The following SMARCA2 variants were observed in gnomAD, a reference collection of about 807,000 sequenced individuals.
SMARCA2 encodes SWI/SNF related BAF chromatin remodeling complex subunit ATPase 2.
Under a neutral mutation model 199.8 loss-of-function variants are expected in SMARCA2, and 61 were observed. That is an observed-to-expected ratio of 0.31 (90% CI 0.25 to 0.38). SMARCA2 has a LOEUF of 0.38. Among genes scored for constraint, SMARCA2 ranks in the 10% least tolerant of loss-of-function variants. SMARCA2 has a pLI of 1.00. For synonymous variants in SMARCA2, 935 were observed against 732.0 expected (o/e 1.28, Z -4.48); for missense variants, 1,344 against 2,012.2 (o/e 0.67, Z 6.35).
intron 25 of SMARCA2, 142 bp downstream of exon 25, chr9:2,116,191 C>G (rs986990639): frequency 1.5e-6 from 1 of 658,780 alleles, no homozygotes; most frequent in Admixed American, 2.5e-5. Context: ...TAGATCCCAA[C>G]CACAGAAAGC....
chr9:2,165,529 G>A (rs1028251663), intron 28 of SMARCA2, among the ~76,000 whole-genome samples: 4 of 152,074 alleles, frequency 2.6e-5, no homozygotes, highest in East Asian at 1.9e-4. Context: ...GTTGCTACTG[G>A]CCCCCATCAT....
intron 28 of SMARCA2, among the ~76,000 whole-genome samples, chr9:2,164,081 G>C (rs1008437837): frequency 6.6e-5 from 10 of 152,136 alleles, no homozygotes; most frequent in African/African-American, 2.4e-4. Flanking sequence ...CGCGCTCTAG[G>C]TTGTCACAAT....
rs548708552 is a variant in SMARCA2 at position 2,123,162 on chromosome 9, A to G, written c.3763-557A>G. Among the ~76,000 whole-genome samples the G allele has an allele frequency of 1.2e-4, 18 of 152,330 alleles. No homozygotes were observed. The highest frequency in any genetic ancestry group is 8.3e-4 in the South Asian group (4 of 4,826). On this transcript the variant is annotated intron_variant, in intron 26 of 33. Coordinates refer to ENST00000349721, the MANE Select transcript of SMARCA2 (RefSeq NM_003070.5). The surrounding 1 kb of genome is among the most constrained non-coding windows in gnomAD (Gnocchi z 4.1). ...TGAAAAGTTAGTATATTCATGGCCA[A>G]TGGACCAGTGAAACCATTTATGTCT...
At chr9:2,182,112 T>G in intron 30 of SMARCA2, 29 bp from the exon 31 acceptor site, 1 of 1,400,278 alleles carries the variant, frequency 7.1e-7, no homozygotes, top group Non-Finnish European at 1.0e-6. Flanking sequence ...CCCTCTTTTT[T>G]TCTCCATTTT....
chr9:2,028,692 A>G (rs1189107177), intron 1 of SMARCA2, among the ~76,000 whole-genome samples: 1 of 152,250 alleles, frequency 6.6e-6, no homozygotes, highest in Non-Finnish European at 1.5e-5. Context: ...AAACTTGTTT[A>G]GAATTCTGCT....
At chr9:2,144,353 C>T (rs994523409) in intron 27 of SMARCA2, among the ~76,000 whole-genome samples, 1 of 152,142 alleles carries the variant, frequency 6.6e-6, no homozygotes, top group Non-Finnish European at 1.5e-5. Context: ...AATTCCAGAG[C>T]AAGTCCGTTC....
At position 2,119,752 on chromosome 9, in the gene SMARCA2, A is replaced by G. The variant is rs568932930; in HGVS notation, c.3762+217A>G. Among the ~76,000 whole-genome samples the G allele has an allele frequency of 4.2e-4, 64 of 152,348 alleles. No homozygotes were observed. The highest frequency in any genetic ancestry group is 3.4e-3 in the Middle Eastern group (1 of 294). ...TTAAAATTTCCCATTCATTGCCAAC[A>G]TAAAAAAGAATCCTGATTTCTGGCT... On this transcript the variant is annotated intron_variant, in intron 26 of 33. Coordinates refer to ENST00000349721, the MANE Select transcript of SMARCA2 (RefSeq NM_003070.5). This position sits in a 1 kb window ranked among gnomAD's most constrained non-coding sequence, Gnocchi z 4.6.
chr9:2,146,116 C>T (rs2130702975), intron 27 of SMARCA2, among the ~76,000 whole-genome samples: 1 of 152,306 alleles, frequency 6.6e-6, no homozygotes, highest in South Asian at 2.1e-4. Flanking sequence ...GCTGGGAAGT[C>T]CAAGATCAAG....
chr9:2,036,812 T>A lies in SMARCA2; in HGVS notation c.356-2654T>A, dbSNP rs145923320. Reference sequence around the variant, plus strand: ...TTCTTTTTTTCAGTTTGAATTCTTATGTTTAATGTAACTGTCTCACCTTCA... The same window carrying A: ...TTCTTTTTTTCAGTTTGAATTCTTAAGTTTAATGTAACTGTCTCACCTTCA... On this transcript the variant is annotated intron_variant, in intron 3 of 33. Transcript: ENST00000349721. 1.4e-3 allele frequency among the ~76,000 whole-genome samples: 215 copies of A among 152,344 alleles called. 1 individual carries two copies. Among genetic ancestry groups the A allele is most frequent in the African/African-American group, 5.0e-3 (207 of 41,580 alleles).
At chr9:2,174,225 G>A (rs1009034081) in intron 29 of SMARCA2, among the ~76,000 whole-genome samples, 2 of 152,164 alleles carry the variant, frequency 1.3e-5, no homozygotes, top group Admixed American at 6.5e-5. Flanking sequence ...CTCTCTGAAG[G>A]AAGGGAAGGA....
At chr9:2,093,693 G>T (rs1822155623) in intron 19 of SMARCA2, among the ~76,000 whole-genome samples, 1 of 152,102 alleles carries the variant, frequency 6.6e-6, no homozygotes. Flanking sequence ...ATGAACAATG[G>T]GAAAAAGGCC....
At position 2,159,351 on chromosome 9, in the gene SMARCA2, T is replaced by G. The variant is rs78388119; in HGVS notation, c.3982-2335T>G. 5.7e-3 allele frequency: 1,367 copies of G among 240,070 alleles called. 19 individuals are homozygous for G. Among genetic ancestry groups the G allele is most frequent in the African/African-American group, 0.023 (1,016 of 44,492 alleles). The allele number at this position is 240,070 out of a possible 1,614,324, so 14.9% of individuals were successfully genotyped here. ...CATATTATGTTAAAATATTTGAATC[T>G]TAGAACATGTACATTGCTTTTATTT... On this transcript the variant is annotated intron_variant, in intron 27 of 33. Coordinates refer to ENST00000349721, the MANE Select transcript of SMARCA2 (RefSeq NM_003070.5).
At chr9:2,118,636 T>C (rs1823322534) in intron 25 of SMARCA2, among the ~76,000 whole-genome samples, 1 of 152,200 alleles carries the variant, frequency 6.6e-6, no homozygotes, top group Admixed American at 6.5e-5. Flanking sequence ...TCCTGAAGCA[T>C]ATGCCGAACT....
At chr9:2,136,807 G>C (rs932450830) in intron 27 of SMARCA2, among the ~76,000 whole-genome samples, 2 of 152,156 alleles carry the variant, frequency 1.3e-5, no homozygotes, top group Admixed American at 6.5e-5. Context: ...TAAACCATGA[G>C]ATGCTCTGAC....
intron 1 of SMARCA2, among the ~76,000 whole-genome samples, chr9:2,020,085 T>C (rs891367376): frequency 1.3e-5 from 2 of 152,210 alleles, no homozygotes; most frequent in Non-Finnish European, 2.9e-5. Context: ...TAAGGGACGA[T>C]AGGGACAAAT....
At chr9:2,058,850 A>G (rs1820466327) in intron 8 of SMARCA2, among the ~76,000 whole-genome samples, 1 of 152,214 alleles carries the variant, frequency 6.6e-6, no homozygotes, top group South Asian at 2.1e-4. Context: ...GGAATGAATA[A>G]CACATTAAGT....
Position 2,104,157 on chromosome 9 carries a change from C to T in SMARCA2, c.3280C>T (p.Leu1094=). The change falls in exon 23 of 34, where the codon CTA becomes TTA. Residue 1094 remains leucine (L), a synonymous_variant. Coordinates refer to ENST00000349721, the MANE Select transcript of SMARCA2 (RefSeq NM_003070.5). The surrounding 1 kb of genome is among the most constrained non-coding windows in gnomAD (Gnocchi z 4.0). ...DYFAFRNFLY[L]RLDGTTKSED... is the part of the protein sequence containing the mutation. ...TTTTGCTTTTCGGAACTTCCTTTAC[C>T]TACGCCTTGATGGTAAGTGCATAAG... The T allele has an allele frequency of 1.2e-6, 2 of 1,613,856 alleles. No homozygotes were observed. The highest frequency in any genetic ancestry group is 1.1e-5 in the South Asian group (1 of 91,062).
chr9:2,174,675 C>G (rs1055122297), intron 29 of SMARCA2, among the ~76,000 whole-genome samples: 4 of 152,202 alleles, frequency 2.6e-5, no homozygotes, highest in African/African-American at 9.6e-5. Flanking sequence ...ATTCCCAGCA[C>G]TTTGGGAGGC....
At position 2,016,896 on chromosome 9, in the gene SMARCA2, A is replaced by G. The variant is rs1260330309; in HGVS notation, c.-37+1492A>G. ...GCCATCTGCAAAGGTGTCGCGATGCACTTCCCTAAATAACCGGTCCGGCGC... is the reference window on the plus strand; with the variant it reads ...GCCATCTGCAAAGGTGTCGCGATGCGCTTCCCTAAATAACCGGTCCGGCGC... On this transcript the variant is annotated intron_variant, in intron 1 of 33. Coordinates refer to ENST00000349721, the MANE Select transcript of SMARCA2 (RefSeq NM_003070.5). The surrounding 1 kb of genome is among the most constrained non-coding windows in gnomAD (Gnocchi z 5.6). 6.6e-6 allele frequency among the ~76,000 whole-genome samples: 1 copy of G among 151,956 alleles called. No individual in the cohort carries two copies. The highest frequency in any genetic ancestry group is 1.9e-4 in the East Asian group (1 of 5,148).
Sources: allele counts gnomAD v4.1 joint callset (sites outside exome capture counted in the v4.1 genomes callset), GRCh38; gene constraint gnomAD v4.1.1; non-coding constraint Gnocchi (gnomAD v3.1); transcripts MANE v1.5; gene names NCBI Gene and HGNC (gene_info 2026-07-23, HGNC 2026-07-21).